The following SIDT1 variants were observed in gnomAD, a reference collection of about 807,000 sequenced individuals.
SIDT1 encodes the protein SID1 transmembrane family, member 1.
SIDT1 carries 101 observed loss-of-function variants against 107.5 expected under a neutral mutation model. That is an observed-to-expected ratio of 0.94 (90% confidence interval 0.80 to 1.11). The LOEUF is 1.11. Ranked by LOEUF, SIDT1 falls within the 50% of genes least tolerant of loss-of-function variation. SIDT1 has a pLI of 0.00. For synonymous variants in SIDT1, 395 were observed against 398.2 expected (o/e 0.99, Z 0.10); for missense variants, 1,076 against 1,058.2 (o/e 1.02, Z -0.23).
At chr3:113,543,911 G>A (rs187916560) in intron 1 of SIDT1, among the ~76,000 whole-genome samples, 52 of 152,036 alleles carry the variant, frequency 3.4e-4, no homozygotes, top group East Asian at 2.9e-3. Flanking sequence ...TCTTTCTTTT[G>A]TCCCTAAGTA....
intron 19 of SIDT1, among the ~76,000 whole-genome samples, chr3:113,614,621 G>A (rs957812080): frequency 4.6e-5 from 7 of 152,090 alleles, no homozygotes; most frequent in African/African-American, 1.4e-4. Context: ...GTGGCCCCTC[G>A]GGCTACACAA....
chr3:113,607,493 T>C (rs1295302648), intron 15 of SIDT1, among the ~76,000 whole-genome samples: 1 of 152,244 alleles, frequency 6.6e-6, no homozygotes, highest in Non-Finnish European at 1.5e-5. Context: ...GAGGATTTGC[T>C]GAAGGTCCCT....
At chr3:113,615,730 T>C (rs556009393) in intron 19 of SIDT1, among the ~76,000 whole-genome samples, 1 of 152,288 alleles carries the variant, frequency 6.6e-6, no homozygotes, top group East Asian at 1.9e-4. Flanking sequence ...TGTTTTAAAG[T>C]AGATTGAGGG....
intron 9 of SIDT1, among the ~76,000 whole-genome samples, chr3:113,591,027 A>T (rs1302861270): frequency 2.6e-5 from 4 of 152,276 alleles, no homozygotes; most frequent in African/African-American, 9.6e-5. Flanking sequence ...TGTAATCACA[A>T]GAATCCTTAT....
At chr3:113,625,011 A>G (rs540495403) in intron 23 of SIDT1, among the ~76,000 whole-genome samples, 1 of 152,274 alleles carries the variant, frequency 6.6e-6, no homozygotes, top group African/African-American at 2.4e-5. Flanking sequence ...GCCTATTGTG[A>G]ACAGTGCTGT....
At chr3:113,540,363 A>G (rs1938675803) in intron 1 of SIDT1, among the ~76,000 whole-genome samples, 1 of 152,234 alleles carries the variant, frequency 6.6e-6, no homozygotes, top group African/African-American at 2.4e-5. Context: ...ACATCCAACT[A>G]CAGCAATTAC....
At chr3:113,586,675 T>C (rs1238115001) in intron 9 of SIDT1, among the ~76,000 whole-genome samples, 1 of 152,098 alleles carries the variant, frequency 6.6e-6, no homozygotes, top group Non-Finnish European at 1.5e-5. Context: ...AAATCAAACA[T>C]ATTGACCGGG....
intron 19 of SIDT1, among the ~76,000 whole-genome samples, chr3:113,613,333 C>T (rs1277372992): frequency 6.6e-6 from 1 of 152,192 alleles, no homozygotes; most frequent in African/African-American, 2.4e-5. Context: ...CTTCTGGCTC[C>T]CTGGAATTCA....
intron 1 of SIDT1, among the ~76,000 whole-genome samples, chr3:113,538,839 A>G (rs1475993522): frequency 2.0e-5 from 3 of 152,216 alleles, no homozygotes; most frequent in African/African-American, 7.2e-5. Context: ...ACGGAAAAAT[A>G]TATCCAATTT....
In SIDT1 at chr3:113,593,003, A is replaced by C; in HGVS notation, c.1002-2A>C. ...GGAGCATGTGTATGTGCTTGTTTGCAGGTTTCAGAGAAAATCCATTGATGG... is the reference window on the plus strand; with the variant it reads ...GGAGCATGTGTATGTGCTTGTTTGCCGGTTTCAGAGAAAATCCATTGATGG... On this transcript the variant is annotated splice_acceptor_variant, in intron 9 of 24. Transcript: ENST00000264852. LOFTEE classifies it high-confidence loss of function. 6.2e-7 allele frequency: 1 copy of C among 1,611,418 alleles called. No homozygotes were observed. Among genetic ancestry groups the C allele is most frequent in the South Asian group, 1.1e-5 (1 of 91,028 alleles).
In SIDT1 at chr3:113,535,527, T is replaced by C. The variant is rs561108736; in HGVS notation, c.222+2284T>C. 4.6e-5 allele frequency among the ~76,000 whole-genome samples: 7 copies of C among 152,358 alleles called. No homozygotes were observed. The South Asian group carries it at 1.4e-3, about 32-fold the overall frequency. ...AATTGTTCTATTATGCCCTATTTTG[T>C]CTGTGTGTGTTAACATGTCCTTTAT... is the stretch of plus-strand genomic sequence containing the variant. On this transcript the variant is annotated intron_variant, in intron 1 of 24. Coordinates refer to ENST00000264852, the MANE Select transcript of SIDT1 (RefSeq NM_017699.3).
At chr3:113,571,732 A>G (rs1374334202) in intron 3 of SIDT1, among the ~76,000 whole-genome samples, 1 of 152,188 alleles carries the variant, frequency 6.6e-6, no homozygotes, top group African/African-American at 2.4e-5. Flanking sequence ...TCAGGAGTTC[A>G]AGACAAACCT....
intron 24 of SIDT1, among the ~76,000 whole-genome samples, chr3:113,626,640 C>A (rs1264327846): frequency 6.6e-6 from 1 of 152,140 alleles, no homozygotes; most frequent in Non-Finnish European, 1.5e-5. Flanking sequence ...TTACATATTC[C>A]TTAAGTGGCT....
chr3:113,598,251 G>C (rs1484995738), intron 10 of SIDT1, among the ~76,000 whole-genome samples: 1 of 151,858 alleles, frequency 6.6e-6, no homozygotes, highest in Non-Finnish European at 1.5e-5. Context: ...CTTAAAGTCT[G>C]AACAGACCTA....
chr3:113,579,950 A>G (rs985290391), intron 4 of SIDT1, among the ~76,000 whole-genome samples: 1 of 152,214 alleles, frequency 6.6e-6, no homozygotes. Flanking sequence ...TTCAATTAAA[A>G]ATGTTTCCTA....
chr3:113,603,810 T>G (rs1945134032), intron 12 of SIDT1, 150 bp from the exon 13 acceptor site: 1 of 589,348 alleles, frequency 1.7e-6, no homozygotes, highest in African/African-American at 2.0e-5. Context: ...TTGATTTACT[T>G]AATCAAATTT....
intron 20 of SIDT1, 26 bp downstream of exon 20, chr3:113,616,202 G>C: frequency 6.4e-7 from 1 of 1,555,774 alleles, no homozygotes; most frequent in Non-Finnish European, 8.9e-7. Flanking sequence ...TGTGTTCTTT[G>C]GCCCTGTCCC....
intron 1 of SIDT1, among the ~76,000 whole-genome samples, chr3:113,537,334 C>T (rs1211097224): frequency 6.6e-6 from 1 of 152,214 alleles, no homozygotes; most frequent in African/African-American, 2.4e-5. Flanking sequence ...ACCAGTTAAA[C>T]CAGTCTCTTG....
intron 19 of SIDT1, 177 bp downstream of exon 19, chr3:113,612,371 T>C: frequency 3.0e-6 from 2 of 669,458 alleles, no homozygotes; most frequent in African/African-American, 1.8e-5. Context: ...CCTTATAGGA[T>C]AGTGATAAGC....
Sources: gnomAD v4.1 joint callset for allele counts (sites outside exome capture counted in the v4.1 genomes callset) on GRCh38, gnomAD v4.1.1 for gene constraint, MANE v1.5 for transcripts, NCBI Gene and HGNC (gene_info 2026-07-23, HGNC 2026-07-21) for gene names.